Variants in TOP6BL observed in about 807,000 individuals in gnomAD.
The protein encoded by TOP6BL is type 2 DNA topoisomerase 6 subunit B-like.
At chr11:66,797,606 GT>G in the TOP6BL span, among the ~76,000 whole-genome samples, 1 of 151,904 alleles carries the variant, frequency 6.6e-6, no homozygotes, top group Non-Finnish European at 1.5e-5. Flanking sequence ...CAAGGTTCAA[GT>G]CATTCTCCTG....
chr11:66,757,789 T>C, the TOP6BL span, among the ~76,000 whole-genome samples: 1 of 152,134 alleles, frequency 6.6e-6, no homozygotes, highest in African/African-American at 2.4e-5. Flanking sequence ...GATTTCACCA[T>C]GTTGGCCAGG....
At chr11:66,770,053 G>A in the TOP6BL span, among the ~76,000 whole-genome samples, 1 of 151,938 alleles carries the variant, frequency 6.6e-6, no homozygotes, top group Non-Finnish European at 1.5e-5. Flanking sequence ...CCTGAGATTA[G>A]CAGTTTTATA....
the TOP6BL span, among the ~76,000 whole-genome samples, chr11:66,833,269 G>A: frequency 2.0e-5 from 3 of 151,770 alleles, no homozygotes; most frequent in Non-Finnish European, 4.4e-5. Context: ...GGCTGGTCTC[G>A]AACTCCTAGC....
At chr11:66,758,017 C>T in the TOP6BL span, 2 of 476,770 alleles carry the variant, frequency 4.2e-6, no homozygotes, top group African/African-American at 2.1e-5. Flanking sequence ...AACCTTATTT[C>T]CCTGTCTGAA....
chr11:66,760,023 C>T, the TOP6BL span, among the ~76,000 whole-genome samples: 2 of 152,096 alleles, frequency 1.3e-5, no homozygotes, highest in Non-Finnish European at 2.9e-5. Flanking sequence ...TAAGTATTAT[C>T]CATTGGCCTA....
the TOP6BL span, among the ~76,000 whole-genome samples, chr11:66,799,691 C>A: frequency 6.6e-6 from 1 of 151,738 alleles, no homozygotes; most frequent in Non-Finnish European, 1.5e-5. Context: ...TGCACTCCAG[C>A]CTGGGCGACA....
At chr11:66,828,590 T>C in the TOP6BL span, 1 of 462,010 alleles carries the variant, frequency 2.2e-6, no homozygotes, top group South Asian at 2.8e-5. Flanking sequence ...TCATGTGTTG[T>C]ATCCAGGATT....
chr11:66,788,371 C>T, the TOP6BL span: 18 of 907,086 alleles, frequency 2.0e-5, no homozygotes, highest in Middle Eastern at 7.3e-4. Context: ...AAGTTCCAAG[C>T]TGGAATGAAA....
the TOP6BL span, among the ~76,000 whole-genome samples, chr11:66,775,151 CTTG>C: frequency 1.5e-5 from 2 of 137,894 alleles, no homozygotes; most frequent in East Asian, 2.3e-4. Context: ...ACAAAAAAAT[CTTG>C]TTGTGATTTT....
At chr11:66,779,399 A>C in the TOP6BL span, among the ~76,000 whole-genome samples, 2 of 152,210 alleles carry the variant, frequency 1.3e-5, no homozygotes, top group African/African-American at 2.4e-5. Flanking sequence ...GCCAAAAAAA[A>C]CACGTGAAAA....
the TOP6BL span, among the ~76,000 whole-genome samples, chr11:66,747,394 AT>A: frequency 0.01 from 1,449 of 141,536 alleles, 20 homozygotes; most frequent in African/African-American, 0.027. Context: ...TTTTTATTTA[AT>A]TTTTTTTTTT....
the TOP6BL span, among the ~76,000 whole-genome samples, chr11:66,776,500 A>G: frequency 8.5e-5 from 13 of 152,082 alleles, no homozygotes; most frequent in African/African-American, 2.9e-4. Flanking sequence ...TTAAAAGTCT[A>G]CCACTGGCCG....
the TOP6BL span, among the ~76,000 whole-genome samples, chr11:66,826,064 C>G: frequency 6.6e-6 from 1 of 152,098 alleles, no homozygotes; most frequent in African/African-American, 2.4e-5. Context: ...AGGATGGTCT[C>G]AATCTCCTGA....
At chr11:66,763,063 G>A in the TOP6BL span, among the ~76,000 whole-genome samples, 1 of 152,286 alleles carries the variant, frequency 6.6e-6, no homozygotes, top group South Asian at 2.1e-4. Flanking sequence ...AATTAGCCAG[G>A]CATGGTGGGG....
chr11:66,800,646 A>G, the TOP6BL span: 14 of 1,601,166 alleles, frequency 8.7e-6, no homozygotes, highest in East Asian at 3.1e-4. Flanking sequence ...TGCAGGTCAG[A>G]TTTCATTTCA....
chr11:66,762,224 A>AGGCCGCAGGGGGCCC, the TOP6BL span: 1 of 613,120 alleles, frequency 1.6e-6, no homozygotes, highest in Admixed American at 2.5e-5. Flanking sequence ...AGGGCCCGCG[A>AGGCCGCAGGGGGCCC]GGCCGCAGGG....
At chr11:66,786,015 C>A in the TOP6BL span, among the ~76,000 whole-genome samples, 2 of 152,174 alleles carry the variant, frequency 1.3e-5, no homozygotes, top group Non-Finnish European at 2.9e-5. Context: ...TTTCTCTCTT[C>A]TGGCCAGATA....
At chr11:66,769,663 G>A in the TOP6BL span, among the ~76,000 whole-genome samples, 1 of 151,940 alleles carries the variant, frequency 6.6e-6, no homozygotes, top group Non-Finnish European at 1.5e-5. Context: ...GGTAAGTGGG[G>A]TTAGATTAGA....
chr11:66,799,394 A>AG, the TOP6BL span, among the ~76,000 whole-genome samples: 1 of 151,080 alleles, frequency 6.6e-6, no homozygotes, highest in East Asian at 2.0e-4. Flanking sequence ...TCAAAAAAAA[A>AG]AAAAAGAATG....
Sources: gnomAD v4.1 joint callset for allele counts (sites outside exome capture counted in the v4.1 genomes callset) on GRCh38, gnomAD v4.1.1 for gene constraint, MANE v1.5 for transcripts, NCBI Gene and HGNC (gene_info 2026-07-23, HGNC 2026-07-21) for gene names.